RARS2: variants seen among roughly 807,000 people sequenced by gnomAD.
RARS2 encodes the protein probable arginine--tRNA ligase, mitochondrial.
A neutral mutation model predicts 88.5 loss-of-function variants in RARS2; 67 were observed. The observed-to-expected ratio is 0.76, with a 90% CI of 0.62 to 0.93. The LOEUF is 0.93. Among genes scored for constraint, RARS2 ranks in the 40% least tolerant of loss-of-function variants. The pLI is 0.00. For synonymous variants in RARS2, 239 were observed against 230.3 expected (o/e 1.04, Z -0.34); for missense variants, 664 against 684.2 (o/e 0.97, Z 0.33).
At chr6:87,560,551 G>T (rs554211279) in intron 4 of RARS2, among the ~76,000 whole-genome samples, 1 of 152,202 alleles carries the variant, frequency 6.6e-6, no homozygotes, top group South Asian at 2.1e-4. Context: ...TTCTTTGTTG[G>T]TCCTAACAAG....
intron 5 of RARS2, 60 bp downstream of exon 5, chr6:87,555,348 A>G (rs1383231883): frequency 7.7e-6 from 10 of 1,303,140 alleles, no homozygotes; most frequent in Admixed American, 5.1e-5. Context: ...AATGATGGTA[A>G]TAACACTCCT....
At chr6:87,518,338 A>C (rs1014695798) in intron 16 of RARS2, 74 bp from the exon 17 acceptor site, 1 of 1,608,242 alleles carries the variant, frequency 6.2e-7, no homozygotes, top group Middle Eastern at 1.7e-4. Flanking sequence ...GCAAGTGATG[A>C]ACATGACCTT....
chr6:87,514,311 CAAAAAA>C lies in RARS2; in HGVS notation c.*96_*101del, dbSNP rs5878032. 1.7e-6 allele frequency: 1 copy of C among 573,976 alleles called. No individual in the cohort carries two copies. The highest frequency in any genetic ancestry group is 2.8e-6 in the Non-Finnish European group (1 of 352,642). The allele number at this position is 573,976 out of a possible 1,614,324, so 35.6% of individuals were successfully genotyped here. On this transcript the variant is annotated 3_prime_UTR_variant, in exon 20 of 20. Transcript: ENST00000369536. ...GGGCAACAAGAGCGAAACTCCATCT[CAAAAAA>C]AAAAAAAAAAAATTTAAATTTATTC...
Position 87,564,351 on chromosome 6 carries a change from GTGTA to G in RARS2, c.111-123_111-120del, listed in dbSNP as rs1767175329. 20 of 786,200 alleles carry G rather than the reference GTGTA, an allele frequency of 2.5e-5. 1 individual carries two copies. The South Asian group carries it at 2.8e-4, about 11-fold the overall frequency. 48.7% of individuals were successfully genotyped at this position (786,200 alleles called of 1,614,324 possible). On this transcript the variant is annotated intron_variant, in intron 2 of 19. Coordinates refer to ENST00000369536, the MANE Select transcript of RARS2 (RefSeq NM_020320.5). The stretch of plus-strand genomic sequence containing the variant: ...TACCTTTACCAGAAGAAGGTGTTAT[GTGTA>G]CTTTCAAAATTAAAAGCAAGGGGGC...
intron 8 of RARS2, among the ~76,000 whole-genome samples, chr6:87,531,537 A>G (rs941571444): frequency 6.6e-6 from 1 of 152,224 alleles, no homozygotes; most frequent in African/African-American, 2.4e-5. Flanking sequence ...TGATCTTGGT[A>G]AAAAGGACTG....
chr6:87,545,525 A>G, intron 7 of RARS2, 91 bp downstream of exon 7: 1 of 1,556,238 alleles, frequency 6.4e-7, no homozygotes, highest in Non-Finnish European at 8.8e-7. Flanking sequence ...TACTTCATCC[A>G]ATGGGATTCT....
chr6:87,538,460 G>C (rs1779859641), intron 8 of RARS2, among the ~76,000 whole-genome samples: 1 of 152,166 alleles, frequency 6.6e-6, no homozygotes, highest in African/African-American at 2.4e-5. Flanking sequence ...TCTAAAGGCA[G>C]GAAATTATAT....
intron 8 of RARS2, among the ~76,000 whole-genome samples, chr6:87,539,620 C>G (rs891357244): frequency 1.3e-5 from 2 of 152,112 alleles, no homozygotes; most frequent in African/African-American, 4.8e-5. Flanking sequence ...CCAATCGGGA[C>G]AAATACAGAA....
At chr6:87,587,687 T>A (rs1388357574) in intron 1 of RARS2, among the ~76,000 whole-genome samples, 1 of 152,246 alleles carries the variant, frequency 6.6e-6, no homozygotes, top group African/African-American at 2.4e-5. Context: ...TACTTCTATA[T>A]CACAGGGTTG....
At chr6:87,549,218 T>G (rs775255182) in intron 5 of RARS2, among the ~76,000 whole-genome samples, 65 of 151,622 alleles carry the variant, frequency 4.3e-4, no homozygotes, top group Non-Finnish European at 8.0e-4. Flanking sequence ...TAGCGAGGTG[T>G]GGTGGTGTAT....
intron 18 of RARS2, among the ~76,000 whole-genome samples, 184 bp from the exon 19 acceptor site, chr6:87,515,204 C>T (rs571793360): frequency 6.6e-6 from 1 of 152,330 alleles, no homozygotes; most frequent in Admixed American, 6.5e-5. Flanking sequence ...CCCTATTCTA[C>T]TACTAAGAGG....
chr6:87,553,655 A>G (rs376362234), intron 5 of RARS2, among the ~76,000 whole-genome samples: 4 of 152,232 alleles, frequency 2.6e-5, no homozygotes, highest in East Asian at 1.9e-4. Context: ...CAATCCCTAC[A>G]CTAAGGTTTG....
intron 4 of RARS2, among the ~76,000 whole-genome samples, chr6:87,556,790 CAAA>C (rs71018038): frequency 2.6e-5 from 2 of 77,026 alleles, no homozygotes; most frequent in Admixed American, 1.7e-4. Context: ...GACTCTGTCT[CAAA>C]AAAAAAAAAA....
intron 5 of RARS2, among the ~76,000 whole-genome samples, chr6:87,550,709 GAA>G (rs5878036): frequency 2.5e-4 from 18 of 71,896 alleles, no homozygotes; most frequent in African/African-American, 5.5e-4. Context: ...GCCGATTTAA[GAA>G]AAAAAAAAAA....
At chr6:87,524,387 C>T (rs991736837) in intron 11 of RARS2, among the ~76,000 whole-genome samples, 170 bp downstream of exon 11, 6 of 152,314 alleles carry the variant, frequency 3.9e-5, no homozygotes, top group South Asian at 4.1e-4. Flanking sequence ...TTCCTGCCAA[C>T]GTGCCATTGT....
rs149969933 is a variant in RARS2, at chr6:87,585,474, T to C, written c.36+4448A>G. Among the ~76,000 whole-genome samples, 125 of 152,322 alleles carry C rather than the reference T, an allele frequency of 8.2e-4. 1 individual carries two copies. The East Asian group carries it at 0.022, about 27-fold the overall frequency. On this transcript the variant is annotated intron_variant, in intron 1 of 19. Transcript: ENST00000369536. ...TGCCTGGCGCGGTGGCTCACGCCTGTAATCCCGGCACTTTGGGAGGCTGAG... is the reference window on the plus strand; with the variant it reads ...TGCCTGGCGCGGTGGCTCACGCCTGCAATCCCGGCACTTTGGGAGGCTGAG...
In RARS2 at chr6:87,570,880, T is replaced by G. The variant is rs1769469904; in HGVS notation, c.37-1290A>C. On this transcript the variant is annotated intron_variant, in intron 1 of 19. Transcript: ENST00000369536. ...ATTATTCCTATCTGACAGGCATGTC[T>G]TAAGTACCTTAATTTTTCTTTGCAA... Among the ~76,000 whole-genome samples, 2 of 152,180 alleles carry G rather than the reference T, an allele frequency of 1.3e-5. 1 individual carries two copies. Among genetic ancestry groups the G allele is most frequent in the South Asian group, 4.1e-4 (2 of 4,830 alleles).
At chr6:87,565,867 C>T (rs1361719847) in intron 2 of RARS2, among the ~76,000 whole-genome samples, 1 of 152,220 alleles carries the variant, frequency 6.6e-6, no homozygotes, top group African/African-American at 2.4e-5. Flanking sequence ...TGAGAAGGCA[C>T]AAATTATTTC....
chr6:87,536,655 GA>G (rs901967185), intron 8 of RARS2, among the ~76,000 whole-genome samples: 3 of 146,876 alleles, frequency 2.0e-5, no homozygotes, highest in African/African-American at 5.0e-5. Flanking sequence ...AAAAAAGAAA[GA>G]AAAAAAAAGA....
Sources: gnomAD v4.1 joint callset for allele counts (sites outside exome capture counted in the v4.1 genomes callset) on GRCh38, gnomAD v4.1.1 for gene constraint, MANE v1.5 for transcripts, NCBI Gene and HGNC (gene_info 2026-07-23, HGNC 2026-07-21) for gene names.